The following GMDS variants were observed in gnomAD, a reference collection of about 807,000 sequenced individuals.
The protein encoded by GMDS is GDP-mannose 4,6 dehydratase.
Under a neutral mutation model 49.9 loss-of-function variants are expected in GMDS, and 20 were observed. The ratio of observed to expected loss-of-function variants is 0.40; its 90% CI spans 0.28 to 0.58. The LOEUF is 0.58. Among genes scored for constraint, GMDS ranks in the 20% least tolerant of loss-of-function variants. GMDS has a pLI of 0.42. For synonymous variants in GMDS, 177 were observed against 178.6 expected (o/e 0.99, Z 0.07); for missense variants, 362 against 481.4 (o/e 0.75, Z 2.32).
At chr6:2,181,506 A>C (rs1778529693) in intron 1 of GMDS, among the ~76,000 whole-genome samples, 1 of 152,052 alleles carries the variant, frequency 6.6e-6, no homozygotes, top group Non-Finnish European at 1.5e-5. Flanking sequence ...TTTTTAATAA[A>C]CTGAAGGCTT....
At chr6:1,662,817 C>T in intron 9 of GMDS, among the ~76,000 whole-genome samples, 1 of 152,172 alleles carries the variant, frequency 6.6e-6, no homozygotes, top group South Asian at 2.1e-4. Context: ...TCTCTCCTGC[C>T]AAGATGCTGA....
At chr6:1,800,240 C>T (rs146462064) in intron 7 of GMDS, among the ~76,000 whole-genome samples, 15 of 152,218 alleles carry the variant, frequency 9.9e-5, no homozygotes, top group African/African-American at 3.6e-4. Flanking sequence ...AAGAAGCTTC[C>T]GATTCTGAGA....
Position 1,959,922 on chromosome 6 carries a change from C to A in GMDS, c.588G>T (p.Ala196=). The change falls in exon 6 of 11, where the codon GCG becomes GCT. Residue 196 remains alanine, a synonymous_variant. Transcript: ENST00000380815. The stretch of plus-strand genomic sequence containing the variant: ...TGCCGTTCACTGCAAAGAGATTATA[C>A]GCCTCACGGAAGTTCACCACAATCC... The part of the protein sequence containing the change: ...AYWIVVNFRE[A]YNLFAVNGIL... 1 of 1,611,540 alleles carries A rather than the reference C, an allele frequency of 6.2e-7. No individual in the cohort carries two copies. Among genetic ancestry groups the A allele is most frequent in the Non-Finnish European group, 8.5e-7 (1 of 1,178,800 alleles).
chr6:1,920,621 T>C (rs977820481), intron 7 of GMDS, among the ~76,000 whole-genome samples: 5 of 152,252 alleles, frequency 3.3e-5, no homozygotes, highest in African/African-American at 9.6e-5. Flanking sequence ...ATGTCACATC[T>C]TGTGAGAGAT....
chr6:1,691,880 G>T (rs1765185790), intron 9 of GMDS, among the ~76,000 whole-genome samples: 1 of 152,082 alleles, frequency 6.6e-6, no homozygotes, highest in Non-Finnish European at 1.5e-5. Flanking sequence ...TGGGATTTGT[G>T]GTGGTTAATA....
chr6:1,960,849 T>G lies in GMDS; in HGVS notation c.463A>C (p.Thr155Pro), dbSNP rs1160004472. The change falls in exon 5 of 11, where the codon ACA (threonine) becomes CCA (proline). Residue 155 changes from threonine (T) to proline (P), a missense_variant. Physicochemically the swap from Thr to Pro is conservative, Grantham distance 38. Coordinates refer to ENST00000380815, the MANE Select transcript of GMDS (RefSeq NM_001500.4). ...INSVKFYQAS[T>P]SELYGKVQEI... Reference sequence around the variant, plus strand: ...TGCACTTTCCCATAAAGTTCACTTGTTGAGGCTTGGTAGAACTTCACAGAG... The same window carrying G: ...TGCACTTTCCCATAAAGTTCACTTGGTGAGGCTTGGTAGAACTTCACAGAG... The G allele has an allele frequency of 6.2e-7, 1 of 1,612,394 alleles. No homozygotes were observed. Among genetic ancestry groups the G allele is most frequent in the Admixed American group, 1.7e-5 (1 of 59,996 alleles).
chr6:2,233,832 A>G (rs1781228522), intron 1 of GMDS, among the ~76,000 whole-genome samples: 1 of 152,176 alleles, frequency 6.6e-6, no homozygotes, highest in Non-Finnish European at 1.5e-5. Context: ...CTCGAAAAAC[A>G]AAAACAAAAA....
chr6:1,898,461 C>G (rs920720606), intron 7 of GMDS, among the ~76,000 whole-genome samples: 1 of 152,132 alleles, frequency 6.6e-6, no homozygotes, highest in Non-Finnish European at 1.5e-5. Flanking sequence ...TCAGCCCATT[C>G]GCTTCCTAGG....
chr6:1,786,476 C>A (rs1769325155), intron 7 of GMDS, among the ~76,000 whole-genome samples: 1 of 152,234 alleles, frequency 6.6e-6, no homozygotes, highest in African/African-American at 2.4e-5. Context: ...ACAGCCTGAG[C>A]AAGCATAGCA....
chr6:1,748,610 T>G (rs1767605408), intron 7 of GMDS, among the ~76,000 whole-genome samples: 1 of 152,256 alleles, frequency 6.6e-6, no homozygotes, highest in African/African-American at 2.4e-5. Context: ...TTTTTTCTTC[T>G]AAAGCCAGAT....
chr6:1,794,377 C>A (rs1769656256), intron 7 of GMDS, among the ~76,000 whole-genome samples: 1 of 151,380 alleles, frequency 6.6e-6, no homozygotes, highest in Admixed American at 6.6e-5. Context: ...TGGTACAAAA[C>A]ATTTAAATAA....
intron 4 of GMDS, among the ~76,000 whole-genome samples, chr6:2,015,710 A>T (rs1345017484): frequency 6.6e-6 from 1 of 152,114 alleles, no homozygotes; most frequent in Non-Finnish European, 1.5e-5. Context: ...GACAGTACCA[A>T]ATCCAACTAC....
chr6:1,652,715 T>G (rs200905209), intron 9 of GMDS, among the ~76,000 whole-genome samples: 5,433 of 16,662 alleles, frequency 0.33, 2,282 homozygotes, highest in Middle Eastern at 0.75. Flanking sequence ...TATATATATA[T>G]ATATAGAGAG....
chr6:1,894,234 A>G (rs1373457308), intron 7 of GMDS, among the ~76,000 whole-genome samples: 15 of 152,200 alleles, frequency 9.9e-5, no homozygotes, highest in Non-Finnish European at 7.3e-5. Context: ...TATTTTACTC[A>G]CACTTCTAAT....
chr6:2,053,656 T>C (rs993189074), intron 4 of GMDS, among the ~76,000 whole-genome samples: 4 of 152,122 alleles, frequency 2.6e-5, no homozygotes, highest in East Asian at 1.9e-4. Flanking sequence ...CATTATCTAA[T>C]AAGGTACTTA....
At chr6:2,109,599 G>A (rs139539017) in intron 4 of GMDS, among the ~76,000 whole-genome samples, 98 of 152,270 alleles carry the variant, frequency 6.4e-4, no homozygotes, top group Middle Eastern at 3.4e-3. Context: ...CAAGACCCAG[G>A]GTCTGGTGTG....
intron 7 of GMDS, among the ~76,000 whole-genome samples, chr6:1,905,231 G>A (rs1397186818): frequency 6.6e-6 from 1 of 152,268 alleles, no homozygotes; most frequent in Non-Finnish European, 1.5e-5. Flanking sequence ...CACCCCTGGT[G>A]CCGAGGGCAC....
chr6:2,193,809 T>G (rs773506446), intron 1 of GMDS, among the ~76,000 whole-genome samples: 2 of 146,796 alleles, frequency 1.4e-5, no homozygotes, highest in Non-Finnish European at 3.0e-5. Context: ...CTGCAAGCTC[T>G]ACCTCCCAGG....
At chr6:2,127,937 A>C (rs571193789) in intron 1 of GMDS, among the ~76,000 whole-genome samples, 1 of 152,380 alleles carries the variant, frequency 6.6e-6, no homozygotes, top group Admixed American at 6.5e-5. Context: ...GAAACAAGGA[A>C]CAAACAGACT....
Sources: allele counts gnomAD v4.1 joint callset (sites outside exome capture counted in the v4.1 genomes callset), GRCh38; gene constraint gnomAD v4.1.1; transcripts MANE v1.5; gene names NCBI Gene and HGNC (gene_info 2026-07-23, HGNC 2026-07-21).